The following PLCB1 variants were observed in gnomAD, a reference collection of about 807,000 sequenced individuals.
The protein encoded by PLCB1 is phospholipase C beta 1, also known as 1-phosphatidylinositol 4,5-bisphosphate phosphodiesterase beta-1.
In PLCB1, 46 loss-of-function variants were observed where a neutral mutation model predicts 161.8. The observed-to-expected ratio is 0.28, with a 90% confidence interval of 0.22 to 0.36. The LOEUF (loss-of-function observed/expected upper bound fraction) is 0.36. PLCB1 is among the 10% of genes least tolerant of loss of function. PLCB1 has a pLI of 1.00. For synonymous variants in PLCB1, 517 were observed against 503.7 expected, an observed-to-expected ratio of 1.03 and a Z score of -0.35; for missense variants, 1,016 against 1,472.5, an observed-to-expected ratio of 0.69 and a Z score of 5.07.
chr20:8,260,330 C>T (rs1201757940), intron 2 of PLCB1, among the ~76,000 whole-genome samples: 14 of 151,778 alleles, frequency 9.2e-5, no homozygotes, highest in Admixed American at 6.6e-4. Flanking sequence ...GCAATTCTCC[C>T]CTCCTGAGCC....
At chr20:8,242,682 G>T (rs887986311) in intron 2 of PLCB1, among the ~76,000 whole-genome samples, 8 of 152,070 alleles carry the variant, frequency 5.3e-5, no homozygotes, top group Middle Eastern at 3.4e-3. Context: ...AATTGCTGAG[G>T]ATGCAAGAAG....
intron 2 of PLCB1, among the ~76,000 whole-genome samples, chr20:8,360,643 T>C (rs1403578517): frequency 6.6e-6 from 1 of 152,270 alleles, no homozygotes; most frequent in African/African-American, 2.4e-5. Context: ...ATGTTCCCTT[T>C]TAGACATATC....
intron 14 of PLCB1, among the ~76,000 whole-genome samples, chr20:8,719,112 G>A (rs1979488667): frequency 6.6e-6 from 1 of 152,178 alleles, no homozygotes; most frequent in African/African-American, 2.4e-5. Context: ...TCAGTCAGAA[G>A]CTTGGCAATC....
chr20:8,355,240 A>G (rs1053636726), intron 2 of PLCB1, among the ~76,000 whole-genome samples: 12 of 152,172 alleles, frequency 7.9e-5, no homozygotes, highest in Admixed American at 2.6e-4. Context: ...AAAAAAAGAA[A>G]GAAAGAAAAG....
intron 3 of PLCB1, among the ~76,000 whole-genome samples, chr20:8,503,058 C>A (rs1983489593): frequency 6.6e-6 from 1 of 152,064 alleles, no homozygotes; most frequent in Non-Finnish European, 1.5e-5. Flanking sequence ...CTGAGTTGAC[C>A]TTTATCTGGA....
chr20:8,445,895 T>G (rs1460336193), intron 3 of PLCB1, among the ~76,000 whole-genome samples: 4 of 152,178 alleles, frequency 2.6e-5, no homozygotes, highest in Non-Finnish European at 5.9e-5. Flanking sequence ...GCACGTTGAT[T>G]TTGTATCCTG....
intron 2 of PLCB1, among the ~76,000 whole-genome samples, chr20:8,327,034 C>T (rs879257716): frequency 5.9e-5 from 9 of 152,134 alleles, no homozygotes; most frequent in Non-Finnish European, 1.3e-4. Context: ...TACAGGCGTG[C>T]GCCACCATGC....
chr20:8,320,195 T>G (rs916200023), intron 2 of PLCB1, among the ~76,000 whole-genome samples: 8 of 152,088 alleles, frequency 5.3e-5, no homozygotes, highest in Non-Finnish European at 8.8e-5. Context: ...TGTGTTGTTG[T>G]TAATAAAGTG....
At chr20:8,645,634 C>T (rs1318351147) in intron 4 of PLCB1, among the ~76,000 whole-genome samples, 1 of 152,090 alleles carries the variant, frequency 6.6e-6, no homozygotes, top group Non-Finnish European at 1.5e-5. Flanking sequence ...CTTGTGACTA[C>T]ATGGTATGGA....
chr20:8,321,692 G>T (rs1057469182), intron 2 of PLCB1, among the ~76,000 whole-genome samples: 2 of 152,078 alleles, frequency 1.3e-5, no homozygotes, highest in Non-Finnish European at 2.9e-5. Flanking sequence ...ACAGTGCAAG[G>T]TCTAAAACTT....
At chr20:8,389,464 G>T (rs1318918259) in intron 3 of PLCB1, among the ~76,000 whole-genome samples, 5 of 152,158 alleles carry the variant, frequency 3.3e-5, no homozygotes, top group Non-Finnish European at 7.4e-5. Context: ...CATTCTCACG[G>T]AGGCCCAGAG....
chr20:8,347,980 G>A (rs553610450), intron 2 of PLCB1, among the ~76,000 whole-genome samples: 3,506 of 150,796 alleles, frequency 0.023, 137 homozygotes, highest in African/African-American at 0.08. Context: ...TCAAAAAAAA[G>A]AAAAAAAAGA....
chr20:8,568,599 A>C (rs112319708), intron 3 of PLCB1, among the ~76,000 whole-genome samples: 152 of 152,346 alleles, frequency 1.0e-3, no homozygotes, highest in African/African-American at 3.5e-3. Flanking sequence ...TTAAAAGACC[A>C]GTGTACACTG....
chr20:8,301,826 C>T lies in PLCB1; in HGVS notation c.178-69556C>T, dbSNP rs558484226. On this transcript the variant is annotated intron_variant, in intron 2 of 31. Coordinates refer to ENST00000338037, the MANE Select transcript of PLCB1 (RefSeq NM_015192.4). ...GAGTTTGCACGGCAATATGCCAGGA[C>T]ATTTGCAGTATTTACGTCATCTCCA... Among the ~76,000 whole-genome samples the T allele has an allele frequency of 4.1e-4, 63 of 152,370 alleles. 1 individual carries two copies. Among genetic ancestry groups the T allele is most frequent in the African/African-American group, 1.4e-3 (57 of 41,598 alleles).
At chr20:8,705,332 G>A (rs955356727) in intron 11 of PLCB1, among the ~76,000 whole-genome samples, 2 of 152,176 alleles carry the variant, frequency 1.3e-5, no homozygotes, top group Non-Finnish European at 1.5e-5. Context: ...AACACAACTA[G>A]ATAAATTCTG....
intron 11 of PLCB1, among the ~76,000 whole-genome samples, chr20:8,701,114 A>G (rs1380979600): frequency 6.6e-6 from 1 of 152,212 alleles, no homozygotes; most frequent in Admixed American, 6.5e-5. Context: ...CCTAGTCCCA[A>G]CACTGCTTGC....
intron 2 of PLCB1, among the ~76,000 whole-genome samples, chr20:8,234,018 G>A (rs556383970): frequency 6.6e-6 from 1 of 152,196 alleles, no homozygotes; most frequent in South Asian, 2.1e-4. Context: ...ATAGTTCATA[G>A]CATTGCTATG....
intron 3 of PLCB1, among the ~76,000 whole-genome samples, chr20:8,558,441 C>A (rs1333793577): frequency 6.6e-6 from 1 of 151,634 alleles, no homozygotes; most frequent in African/African-American, 2.4e-5. Context: ...ACCCAAGAGA[C>A]CTGTGAGACA....
At chr20:8,137,599 C>G (rs1004654551) in intron 1 of PLCB1, among the ~76,000 whole-genome samples, 1 of 152,152 alleles carries the variant, frequency 6.6e-6, no homozygotes, top group Non-Finnish European at 1.5e-5. Context: ...CTACTTGAAA[C>G]TTTTTAAAAA....
Sources: gnomAD v4.1 joint callset for allele counts (sites outside exome capture counted in the v4.1 genomes callset) on GRCh38, gnomAD v4.1.1 for gene constraint, MANE v1.5 for transcripts, NCBI Gene and HGNC (gene_info 2026-07-23, HGNC 2026-07-21) for gene names.